DYNLT1: variants seen among roughly 807,000 people sequenced by gnomAD.
DYNLT1 encodes the protein T-complex testis-specific protein 1 homolog.
Under a neutral mutation model 19.6 loss-of-function variants are expected in DYNLT1, and 18 were observed. That is an observed-to-expected ratio of 0.92 (90% CI 0.64 to 1.36). DYNLT1 has a LOEUF of 1.36. Among genes scored for constraint, DYNLT1 ranks in the 40% most tolerant of loss-of-function variants. DYNLT1 has a pLI of 0.00. For missense variants in DYNLT1, 137 were observed against 139.3 expected (o/e 0.98, Z 0.08); for synonymous variants, 56 against 44.0 (o/e 1.27, Z -1.07).
Position 158,636,783 on chromosome 6 carries a change from T to G in DYNLT1, c.*44A>C, listed in dbSNP as rs775515782. On this transcript the variant is annotated 3_prime_UTR_variant, in exon 5 of 5. Transcript: ENST00000367089. ...GAATTCATGGCTGGTGGTTAGAGGA[T>G]GAACTAGAGACAAAAGGAGAAAGGC... 5.1e-6 allele frequency: 8 copies of G among 1,570,974 alleles called. No homozygotes were observed. The highest frequency in any genetic ancestry group is 2.2e-4 in the Middle Eastern group (1 of 4,574).
intron 1 of DYNLT1, 113 bp from the exon 2 acceptor site, chr6:158,641,473 AATCT>A (rs1447181713): frequency 2.2e-6 from 2 of 901,182 alleles, no homozygotes; most frequent in African/African-American, 3.4e-5. Flanking sequence ...CCTTAGAAAT[AATCT>A]AACTAGACTG....
At chr6:158,638,417 T>G (rs938342106) in intron 2 of DYNLT1, among the ~76,000 whole-genome samples, 2 of 152,248 alleles carry the variant, frequency 1.3e-5, no homozygotes, top group Admixed American at 1.3e-4. Context: ...TTTAGGTTTA[T>G]GATGAGATTT....
intron 2 of DYNLT1, among the ~76,000 whole-genome samples, chr6:158,639,637 C>T (rs1379532506): frequency 6.6e-6 from 1 of 152,176 alleles, no homozygotes. Flanking sequence ...TCAAGTAACA[C>T]TGCAATGTCA....
intron 2 of DYNLT1, among the ~76,000 whole-genome samples, chr6:158,639,458 G>C (rs73016244): frequency 2.6e-5 from 4 of 151,936 alleles, no homozygotes; most frequent in Non-Finnish European, 5.9e-5. Context: ...CTCTCCCTCC[G>C]CCAGCTCTCC....
At chr6:158,643,873 T>C (rs1787239199) in intron 1 of DYNLT1, among the ~76,000 whole-genome samples, 1 of 152,168 alleles carries the variant, frequency 6.6e-6, no homozygotes, top group Non-Finnish European at 1.5e-5. Context: ...CATAGGGCTC[T>C]ATCTGAATTT....
intron 2 of DYNLT1, 74 bp from the exon 3 acceptor site, chr6:158,637,968 G>A: frequency 6.4e-7 from 1 of 1,574,620 alleles, no homozygotes; most frequent in Non-Finnish European, 8.6e-7. Context: ...GGAACTGACG[G>A]CACCCCAAGA....
intron 2 of DYNLT1, among the ~76,000 whole-genome samples, chr6:158,640,748 A>G (rs1787118993): frequency 6.6e-6 from 1 of 152,200 alleles, no homozygotes; most frequent in Admixed American, 6.5e-5. Flanking sequence ...GACACCTTCC[A>G]GCAGGACTGT....
chr6:158,638,058 A>G (rs1366504095), intron 2 of DYNLT1, among the ~76,000 whole-genome samples, 164 bp from the exon 3 acceptor site: 1 of 152,212 alleles, frequency 6.6e-6, no homozygotes. Context: ...TTTCATTTAA[A>G]TAAGTTTGAA....
chr6:158,637,276 C>A, intron 3 of DYNLT1, 71 bp from the exon 4 acceptor site: 1 of 1,393,434 alleles, frequency 7.2e-7, no homozygotes, highest in South Asian at 1.2e-5. Context: ...CCACTTTTAG[C>A]AAACGTACAA....
At chr6:158,640,099 T>C (rs932534619) in intron 2 of DYNLT1, among the ~76,000 whole-genome samples, 1 of 152,172 alleles carries the variant, frequency 6.6e-6, no homozygotes, top group Non-Finnish European at 1.5e-5. Flanking sequence ...CTGTTCCCAG[T>C]TCTGGTGTAA....
At chr6:158,641,222 G>C in intron 2 of DYNLT1, 97 bp downstream of exon 2, 2 of 1,150,682 alleles carry the variant, frequency 1.7e-6, no homozygotes, top group East Asian at 5.5e-5. Context: ...AAAACACACA[G>C]ACTCAGTCGA....
chr6:158,637,289 T>A (rs1787029544), intron 3 of DYNLT1, 84 bp from the exon 4 acceptor site: 11 of 1,228,268 alleles, frequency 9.0e-6, no homozygotes, highest in Non-Finnish European at 1.3e-5. Flanking sequence ...ACGTACAATG[T>A]ATGTAGCTCC....
At chr6:158,641,991 TG>T (rs1482153186) in intron 1 of DYNLT1, 2 of 152,234 alleles carry the variant, frequency 1.3e-5, no homozygotes, top group Non-Finnish European at 2.9e-5. Context: ...ATGAGTTGGT[TG>T]ATTTTTGTAT....
At chr6:158,642,859 CG>C (rs1787166354) in intron 1 of DYNLT1, 1 of 152,160 alleles carries the variant, frequency 6.6e-6, no homozygotes, top group South Asian at 2.1e-4. Context: ...ATAGTTTTAA[CG>C]TCTCCAAGAA....
At position 158,637,836 on chromosome 6, in the gene DYNLT1, G is replaced by C; in HGVS notation, c.128C>G (p.Thr43Ser). ...AYQHSKVNQW[T>S]TNVVEQTLSQ... ...TAAAGTTTGTTCTACTACATTTGTGGTCCACTGGTTCACTTTGCTGTGTTG... is the reference window on the plus strand; with the variant it reads ...TAAAGTTTGTTCTACTACATTTGTGCTCCACTGGTTCACTTTGCTGTGTTG... The change falls in exon 3 of 5, where the codon ACC (threonine) becomes AGC (serine). Residue 43 changes from threonine to serine, a missense_variant. Transcript: ENST00000367089. The C allele has an allele frequency of 6.2e-7, 1 of 1,611,446 alleles. No homozygotes were observed. The highest frequency in any genetic ancestry group is 8.5e-7 in the Non-Finnish European group (1 of 1,180,024).
At chr6:158,639,207 G>T (rs971192442) in intron 2 of DYNLT1, among the ~76,000 whole-genome samples, 12 of 152,148 alleles carry the variant, frequency 7.9e-5, no homozygotes, top group African/African-American at 2.9e-4. Flanking sequence ...CCACTGACCT[G>T]CTGATCATCT....
In DYNLT1 at chr6:158,644,598, C is replaced by A; in HGVS notation, c.27+84G>T. On this transcript the variant is annotated intron_variant, in intron 1 of 4. Coordinates refer to ENST00000367089, the MANE Select transcript of DYNLT1 (RefSeq NM_006519.4). Reference sequence around the variant, plus strand: ...TGGCCTAGCTGAAGGAGGTGGGCAGCCAGGCCTTTCCGGGCAGGACCGCGT... The same window carrying A: ...TGGCCTAGCTGAAGGAGGTGGGCAGACAGGCCTTTCCGGGCAGGACCGCGT... The A allele has an allele frequency of 3.9e-6, 6 of 1,550,360 alleles. No homozygotes were observed. The South Asian group carries it at 5.7e-5, about 15-fold the overall frequency.
chr6:158,643,782 C>G (rs1787232361), intron 1 of DYNLT1, among the ~76,000 whole-genome samples: 1 of 152,148 alleles, frequency 6.6e-6, no homozygotes, highest in South Asian at 2.1e-4. Flanking sequence ...CGCCCAGCCA[C>G]TAAATTTCAT....
At chr6:158,643,261 A>T (rs1042125746) in intron 1 of DYNLT1, among the ~76,000 whole-genome samples, 1 of 152,206 alleles carries the variant, frequency 6.6e-6, no homozygotes, top group African/African-American at 2.4e-5. Flanking sequence ...TATTAGTAAC[A>T]GTTTAAGGGG....
Sources: gnomAD v4.1 joint callset for allele counts (sites outside exome capture counted in the v4.1 genomes callset) on GRCh38, gnomAD v4.1.1 for gene constraint, MANE v1.5 for transcripts, NCBI Gene and HGNC (gene_info 2026-07-23, HGNC 2026-07-21) for gene names.